Variants in ERMAP observed in about 807,000 individuals in gnomAD.
ERMAP encodes erythroid membrane-associated protein.
ERMAP carries 34 observed loss-of-function variants against 49.5 expected under a neutral mutation model. The ratio of observed to expected loss-of-function variants is 0.69; its 90% CI spans 0.52 to 0.91. The LOEUF is 0.91. ERMAP is among the 40% of genes least tolerant of loss of function. ERMAP has a pLI of 0.00. For missense variants in ERMAP, 541 were observed against 582.6 expected, an observed-to-expected ratio of 0.93 and a Z score of 0.74; for synonymous variants, 214 against 232.2, an observed-to-expected ratio of 0.92 and a Z score of 0.71.
chr1:42,830,937 C>T lies in ERMAP; in HGVS notation c.255C>T (p.Asp85=). The T allele has an allele frequency of 1.2e-6, 2 of 1,614,122 alleles. No homozygotes were observed. The highest frequency in any genetic ancestry group is 2.2e-5 in the South Asian group (2 of 91,078). ...TTCACATATTCCGGGATGGGAAGGA[C>T]CAGGATGAAGATCTGATGCCGGAAT... The part of the protein sequence containing the change: ...QAVHIFRDGK[D]QDEDLMPEYK... Residue 85 remains aspartate, a synonymous_variant, in exon 4 of 12, where the codon GAC becomes GAT. Transcript: ENST00000372517.
rs1171053538 is a variant in ERMAP, at chr1:42,819,291, G to A, written c.-122+2038G>A. On this transcript the variant is annotated intron_variant, in intron 1 of 11. Transcript: ENST00000372517. The surrounding 1 kb of genome is among the most constrained non-coding windows in gnomAD (Gnocchi z 5.1). ...ATAGGCAAGAAGAATTGTCCAGTGA[G>A]CAATTAGAAGATTTCAGAAAAGAAC... Among the ~76,000 whole-genome samples, 1 of 152,052 alleles carries A rather than the reference G, an allele frequency of 6.6e-6. No individual in the cohort carries two copies. Among genetic ancestry groups the A allele is most frequent in the Non-Finnish European group, 1.5e-5 (1 of 68,022 alleles).
chr1:42,826,811 ATGCCAC>A (rs1654565982), intron 2 of ERMAP, among the ~76,000 whole-genome samples: 1 of 150,302 alleles, frequency 6.7e-6, no homozygotes, highest in African/African-American at 2.5e-5. Context: ...ATCTGAGATC[ATGCCAC>A]TGCACTCCAG....
intron 2 of ERMAP, among the ~76,000 whole-genome samples, chr1:42,828,501 T>TC (rs759778121): frequency 2.1e-3 from 326 of 151,758 alleles, no homozygotes; most frequent in Middle Eastern, 0.014. Flanking sequence ...TAAAAAAATT[T>TC]TTTTTTTTTT....
rs1654876574 is a variant in ERMAP at position 42,835,755 on chromosome 1, A to G, written c.574A>G (p.Thr192Ala). The change falls in exon 6 of 12, where the codon ACG (threonine) becomes GCG (alanine). Residue 192 changes from threonine to alanine, a missense_variant. Transcript: ENST00000372517. ...AKEKLLYEHV[T>A]EVDNLLSDHA... ...AGAAAAGCTTCTCTATGAACATGTGACGGAGGTGGGTAAGTGTTCTTGGCT... is the reference window on the plus strand; with the variant it reads ...AGAAAAGCTTCTCTATGAACATGTGGCGGAGGTGGGTAAGTGTTCTTGGCT... 6.2e-7 allele frequency: 1 copy of G among 1,610,156 alleles called. No individual in the cohort carries two copies. Among genetic ancestry groups the G allele is most frequent in the East Asian group, 2.2e-5 (1 of 44,682 alleles).
rs768034277 is a variant in ERMAP, at chr1:42,817,239, A to G, written c.-136A>G. On this transcript the variant is annotated 5_prime_UTR_variant, in exon 1 of 12. Coordinates refer to ENST00000372517, the MANE Select transcript of ERMAP (RefSeq NM_001017922.2). ...TTGGAGCCTCCGCCGAGTCGCAGACAACGCCTCCGGGAGGGTAATCCTCGC... is the reference window on the plus strand; with the variant it reads ...TTGGAGCCTCCGCCGAGTCGCAGACGACGCCTCCGGGAGGGTAATCCTCGC... 9.6e-6 allele frequency: 12 copies of G among 1,255,042 alleles called. No homozygotes were observed. Among genetic ancestry groups the G allele is most frequent in the African/African-American group, 6.4e-5 (4 of 62,388 alleles). 77.7% of individuals were successfully genotyped at this position (1,255,042 alleles called of 1,614,324 possible). A position where few individuals can be genotyped will look rare whatever the true frequency, so the allele number is the denominator to read the frequency against.
Position 42,843,888 on chromosome 1 carries a change from C to T in ERMAP, c.*656C>T, listed in dbSNP as rs1029593759. On this transcript the variant is annotated 3_prime_UTR_variant, in exon 12 of 12. Coordinates refer to ENST00000372517, the MANE Select transcript of ERMAP (RefSeq NM_001017922.2). The stretch of plus-strand genomic sequence containing the variant: ...TCTGCCTGTTGATGGTAACTAGGTA[C>T]AGCGACTTTAAATACAGTTGCTATA... The T allele has an allele frequency of 7.6e-6, 3 of 395,928 alleles. No homozygotes were observed. The highest frequency in any genetic ancestry group is 4.1e-5 in the African/African-American group (2 of 48,590). 24.5% of individuals were successfully genotyped at this position (395,928 alleles called of 1,614,324 possible). A position where few individuals can be genotyped will look rare whatever the true frequency, so the allele number is the denominator to read the frequency against.
intron 4 of ERMAP, among the ~76,000 whole-genome samples, chr1:42,834,084 A>G (rs1285920253): frequency 1.3e-5 from 2 of 152,222 alleles, no homozygotes; most frequent in African/African-American, 4.8e-5. Flanking sequence ...ATGAGGGACA[A>G]TGGGCTGGGA....
intron 1 of ERMAP, among the ~76,000 whole-genome samples, chr1:42,822,933 C>G (rs1175252345): frequency 6.6e-6 from 1 of 152,138 alleles, no homozygotes; most frequent in Non-Finnish European, 1.5e-5. Context: ...CCATCCATGT[C>G]ACTTTGAATG....
chr1:42,839,892 T>C, intron 8 of ERMAP, 141 bp from the exon 9 acceptor site: 2 of 834,702 alleles, frequency 2.4e-6, no homozygotes, highest in Admixed American at 2.3e-5. Flanking sequence ...TCTACTGCTC[T>C]TGCAAACTCT....
chr1:42,830,440 C>T lies in ERMAP; in HGVS notation c.-5-4C>T. Reference sequence around the variant, plus strand: ...CTTGTGCTGTCTCCCTCTGTCTGTCCTAGTTCGGATGGAGATGGCGAGTTC... The same window carrying T: ...CTTGTGCTGTCTCCCTCTGTCTGTCTTAGTTCGGATGGAGATGGCGAGTTC... On this transcript the variant is annotated splice_region_variant and splice_polypyrimidine_tract_variant and intron_variant, in intron 2 of 11. Transcript: ENST00000372517. 6.2e-7 allele frequency: 1 copy of T among 1,613,878 alleles called. No homozygotes were observed. The highest frequency in any genetic ancestry group is 8.5e-7 in the Non-Finnish European group (1 of 1,179,800).
rs1167405570 is a variant in ERMAP at position 42,820,436 on chromosome 1, G to A, written c.-122+3183G>A. 2.0e-5 allele frequency among the ~76,000 whole-genome samples: 3 copies of A among 148,472 alleles called. No homozygotes were observed. The South Asian group carries it at 6.4e-4, about 32-fold the overall frequency. On this transcript the variant is annotated intron_variant, in intron 1 of 11. Coordinates refer to ENST00000372517, the MANE Select transcript of ERMAP (RefSeq NM_001017922.2). ...GACAGGGTCTCCCTATGTTGGCCAG[G>A]CTAGTCTTGAACTCCTGGCTTCAAG...
At chr1:42,829,108 T>C (rs890434727) in intron 2 of ERMAP, among the ~76,000 whole-genome samples, 10 of 152,182 alleles carry the variant, frequency 6.6e-5, no homozygotes, top group African/African-American at 2.4e-4. Flanking sequence ...GGAAAGTGGG[T>C]GGGACAGTCA....
intron 4 of ERMAP, among the ~76,000 whole-genome samples, chr1:42,831,634 A>T (rs938517894): frequency 8.3e-6 from 1 of 120,492 alleles, no homozygotes; most frequent in Admixed American, 1.2e-4. Context: ...CCCAGGCTGG[A>T]GTGCAGTAGT....
Position 42,831,084 on chromosome 1 carries a change from TAA to T in ERMAP, c.404_405del (p.Lys135ArgfsTer54). ...RCLIQVGNLS[K>X]EDTVILQVAA... Reference sequence around the variant, plus strand: ...GTCTGATCCAAGTTGGAAATCTGAGTAAAGAGGACACCGTGATCCTGCAGGTT... The same window carrying T: ...GTCTGATCCAAGTTGGAAATCTGAGTAGAGGACACCGTGATCCTGCAGGTT... On this transcript the variant is annotated frameshift_variant, in exon 4 of 12. Transcript: ENST00000372517. LOFTEE classifies it high-confidence loss of function. The T allele has an allele frequency of 6.2e-7, 1 of 1,614,198 alleles. No individual in the cohort carries two copies. The highest frequency in any genetic ancestry group is 8.5e-7 in the Non-Finnish European group (1 of 1,180,028).
At chr1:42,842,376 C>G (rs553955313) in intron 11 of ERMAP, 141 bp from the exon 12 acceptor site, 2 of 671,858 alleles carry the variant, frequency 3.0e-6, no homozygotes, top group Admixed American at 5.9e-5. Flanking sequence ...TTCCAGTACA[C>G]ATGGTGGGGG....
intron 2 of ERMAP, chr1:42,829,974 AG>A (rs1176687421): frequency 1.2e-5 from 2 of 160,624 alleles, no homozygotes; most frequent in African/African-American, 4.8e-5. Context: ...AAAGGCTGTC[AG>A]GGAAACCTCC....
chr1:42,831,060 T>G lies in ERMAP; in HGVS notation c.378T>G (p.Cys126Trp), dbSNP rs1054125822. The part of the protein sequence containing the change: ...VRLEDQGSYR[C>W]LIQVGNLSKE... Reference sequence around the variant, plus strand: ...TTGAGGACCAAGGGTCTTACCGATGTCTGATCCAAGTTGGAAATCTGAGTA... The same window carrying G: ...TTGAGGACCAAGGGTCTTACCGATGGCTGATCCAAGTTGGAAATCTGAGTA... The change falls in exon 4 of 12, where the codon TGT (cysteine) becomes TGG (tryptophan). Residue 126 changes from cysteine (C) to tryptophan (W), a missense_variant. By Grantham distance (215) the Cys-to-Trp change is radical (BLOSUM62 -2). Transcript: ENST00000372517. 6.2e-7 allele frequency: 1 copy of G among 1,614,230 alleles called. No individual in the cohort carries two copies. The highest frequency in any genetic ancestry group is 8.5e-7 in the Non-Finnish European group (1 of 1,180,040).
intron 2 of ERMAP, 103 bp downstream of exon 2, chr1:42,825,841 A>G (rs1654529096): frequency 8.2e-7 from 1 of 1,221,368 alleles, no homozygotes; most frequent in South Asian, 1.4e-5. Flanking sequence ...GCACAAGAAC[A>G]TTTTCAAGGG....
In ERMAP at chr1:42,842,555, C is replaced by G. The variant is rs1449905398; in HGVS notation, c.751C>G (p.Leu251Val). The change falls in exon 12 of 12, where the codon CTC becomes GTC. Residue 251 changes from leucine (L) to valine (V), a missense_variant. By Grantham distance (32) the Leu-to-Val change is conservative. Coordinates refer to ENST00000372517, the MANE Select transcript of ERMAP (RefSeq NM_001017922.2). ...TLDPDTAHPK[L>V]ILSEDQRCVR... ...GGACCCAGACACAGCACATCCCAAA[C>G]TCATCCTTTCTGAGGACCAAAGATG... 5 of 1,614,018 alleles carry G rather than the reference C, an allele frequency of 3.1e-6. No homozygotes were observed. The highest frequency in any genetic ancestry group is 3.4e-6 in the Non-Finnish European group (4 of 1,180,014).
Sources: gnomAD v4.1 joint callset for allele counts (sites outside exome capture counted in the v4.1 genomes callset) on GRCh38, gnomAD v4.1.1 for gene constraint, Gnocchi (gnomAD v3.1) non-coding constraint, MANE v1.5 for transcripts, NCBI Gene and HGNC (gene_info 2026-07-23, HGNC 2026-07-21) for gene names.